Variants in SSR1 observed in about 807,000 individuals in gnomAD.
The protein encoded by SSR1 is signal sequence receptor subunit 1, also known as translocon-associated protein subunit alpha.
SSR1 carries 13 observed loss-of-function variants against 36.1 expected under a neutral mutation model. That is an observed-to-expected ratio of 0.36 (90% CI 0.23 to 0.57). The LOEUF (loss-of-function observed/expected upper bound fraction) is 0.57, where lower values mean the gene tolerates loss of function less well. Ranked by LOEUF, SSR1 falls within the 20% of genes least tolerant of loss-of-function variation. The pLI, the probability that SSR1 is intolerant of heterozygous loss-of-function variation, is 0.81. For synonymous variants in SSR1, 113 were observed against 118.9 expected, an observed-to-expected ratio of 0.95 and a Z score of 0.32; for missense variants, 291 against 338.5, an observed-to-expected ratio of 0.86 and a Z score of 1.10.
rs566224687 is a variant in SSR1 at position 7,300,738 on chromosome 6, G to A, written c.543+572C>T. 1.2e-4 allele frequency among the ~76,000 whole-genome samples: 19 copies of A among 152,218 alleles called. No homozygotes were observed. In the East Asian group the frequency reaches 3.3e-3, roughly 26 times the overall value. ...GCTCACTGCAACCTCCGCCTCCCAG[G>A]TTCAAGTGATTCTCCTGCCTCAGCC... is the stretch of plus-strand genomic sequence containing the variant. On this transcript the variant is annotated intron_variant, in intron 4 of 7. Transcript: ENST00000244763.
intron 1 of SSR1, among the ~76,000 whole-genome samples, chr6:7,310,704 A>T (rs140437483): frequency 0.013 from 1,912 of 152,246 alleles, 17 homozygotes; most frequent in South Asian, 0.021. Context: ...TGAGGCCAGG[A>T]GTTCAAGACC....
intron 2 of SSR1, among the ~76,000 whole-genome samples, chr6:7,304,224 T>G (rs1033398669): frequency 2.6e-5 from 4 of 152,248 alleles, no homozygotes; most frequent in African/African-American, 9.6e-5. Context: ...GACCATATTG[T>G]GAACTCCAAG....
rs1201913504 is a variant in SSR1, at chr6:7,306,241, C to T, written c.193-2604G>A. On this transcript the variant is annotated intron_variant, in intron 2 of 7. Transcript: ENST00000244763. ...CACTGTAAGCTCTGCCTCCCAGGTTCACGCCATTCTCCTGCCTCAGCCTCC... is the reference window on the plus strand; with the variant it reads ...CACTGTAAGCTCTGCCTCCCAGGTTTACGCCATTCTCCTGCCTCAGCCTCC... Among the ~76,000 whole-genome samples the T allele has an allele frequency of 3.3e-5, 5 of 152,268 alleles. No homozygotes were observed. In the South Asian group the frequency reaches 6.2e-4, roughly 19 times the overall value.
At chr6:7,296,723 T>C (rs1479304827) in intron 6 of SSR1, among the ~76,000 whole-genome samples, 1 of 148,234 alleles carries the variant, frequency 6.7e-6, no homozygotes, top group African/African-American at 2.5e-5. Context: ...GGAGGGTGAG[T>C]GAGGGAATGG....
At chr6:7,294,690 CAAATAAAT>C (rs60987991) in intron 7 of SSR1, among the ~76,000 whole-genome samples, 55,491 of 150,328 alleles carry the variant, frequency 0.37, 10,200 homozygotes, top group South Asian at 0.43. Flanking sequence ...GATTCCATCT[CAAATAAAT>C]AAATAAATAA....
intron 2 of SSR1, 50 bp downstream of exon 2, chr6:7,309,867 G>T: frequency 7.3e-7 from 1 of 1,369,744 alleles, no homozygotes; most frequent in South Asian, 1.2e-5. Context: ...GAGAACAGAT[G>T]AATACAATTA....
chr6:7,300,019 TA>T (rs1757898807), intron 4 of SSR1, among the ~76,000 whole-genome samples: 1 of 152,088 alleles, frequency 6.6e-6, no homozygotes, highest in Admixed American at 6.6e-5. Flanking sequence ...AAGAAGGAAC[TA>T]AAACTTCATA....
At chr6:7,306,544 A>C (rs1758058080) in intron 2 of SSR1, among the ~76,000 whole-genome samples, 1 of 152,190 alleles carries the variant, frequency 6.6e-6, no homozygotes, top group Non-Finnish European at 1.5e-5. Context: ...GAGGACAAAA[A>C]AACCTTTCAG....
chr6:7,297,142 C>A, intron 6 of SSR1: 1 of 341,518 alleles, frequency 2.9e-6, no homozygotes, highest in Non-Finnish European at 5.9e-6. Context: ...ATGACTTGAG[C>A]CCCGAAGGCG....
intron 7 of SSR1, among the ~76,000 whole-genome samples, chr6:7,291,906 T>C (rs1353054495): frequency 6.6e-6 from 1 of 151,810 alleles, no homozygotes; most frequent in Non-Finnish European, 1.5e-5. Flanking sequence ...ACCCCCTCCC[T>C]ACAACAAATA....
At chr6:7,303,519 A>G (rs1757984099) in intron 3 of SSR1, 31 bp downstream of exon 3, 2 of 1,500,752 alleles carry the variant, frequency 1.3e-6, no homozygotes, top group Non-Finnish European at 1.8e-6. Flanking sequence ...AAATGCCTAC[A>G]TCTGAATTAA....
Position 7,289,612 on chromosome 6 carries a change from C to T in SSR1, c.*252G>A, listed in dbSNP as rs1001710767. The T allele has an allele frequency of 8.5e-6, 4 of 469,700 alleles. No individual in the cohort carries two copies. Among genetic ancestry groups the T allele is most frequent in the East Asian group, 7.7e-5 (2 of 26,022 alleles). 29.1% of individuals were successfully genotyped at this position (469,700 alleles called of 1,614,324 possible). ...TAGTTCAACAATGATTCTGGTAAGA[C>T]CAACTGCTCACATACATACACACGC... On this transcript the variant is annotated 3_prime_UTR_variant, in exon 8 of 8. Coordinates refer to ENST00000244763, the MANE Select transcript of SSR1 (RefSeq NM_003144.5).
chr6:7,296,592 T>C (rs1245032043), intron 6 of SSR1, among the ~76,000 whole-genome samples: 14 of 152,154 alleles, frequency 9.2e-5, no homozygotes, highest in Admixed American at 9.2e-4. Context: ...TTTGATAAAA[T>C]TGTTTATATT....
chr6:7,299,173 G>A (rs963693759), intron 4 of SSR1, among the ~76,000 whole-genome samples: 5 of 152,114 alleles, frequency 3.3e-5, no homozygotes, highest in South Asian at 2.1e-4. Flanking sequence ...TGCCAAAGTT[G>A]TCCCCTGAAT....
At chr6:7,301,840 TAA>T (rs778797559) in intron 3 of SSR1, among the ~76,000 whole-genome samples, 1 of 152,038 alleles carries the variant, frequency 6.6e-6, no homozygotes, top group African/African-American at 2.4e-5. Context: ...AATCATGTGG[TAA>T]AAAAGAGTTG....
In SSR1 at chr6:7,295,405, T is replaced by C. The variant is rs776483784; in HGVS notation, c.780A>G (p.Thr260=). 5 of 1,610,940 alleles carry C rather than the reference T, an allele frequency of 3.1e-6. No homozygotes were observed. The highest frequency in any genetic ancestry group is 1.7e-5 in the Admixed American group (1 of 59,482). The change falls in exon 7 of 8, where the codon ACA becomes ACG. Residue 260 remains threonine (T), a synonymous_variant. Coordinates refer to ENST00000244763, the MANE Select transcript of SSR1 (RefSeq NM_003144.5). Reference sequence around the variant, plus strand: ...AAGACTACTTACTGATTTGATTCAATGTTTCCTGAGGAATCCAACTCATGT... The same window carrying C: ...AAGACTACTTACTGATTTGATTCAACGTTTCCTGAGGAATCCAACTCATGT... The part of the protein sequence containing the change: ...DVDMSWIPQE[T]LNQINKASPR...
At chr6:7,305,907 A>T (rs544310256) in intron 2 of SSR1, among the ~76,000 whole-genome samples, 2 of 152,328 alleles carry the variant, frequency 1.3e-5, no homozygotes, top group South Asian at 4.1e-4. Flanking sequence ...TCTTACAGCT[A>T]TTCAGCATGT....
intron 2 of SSR1, among the ~76,000 whole-genome samples, chr6:7,306,073 T>C (rs528321910): frequency 6.6e-5 from 10 of 152,376 alleles, no homozygotes; most frequent in South Asian, 4.1e-4. Context: ...AAACTTTTCA[T>C]CATATATTCT....
At chr6:7,311,346 T>C (rs577781828) in intron 1 of SSR1, among the ~76,000 whole-genome samples, 1 of 152,216 alleles carries the variant, frequency 6.6e-6, no homozygotes, top group Non-Finnish European at 1.5e-5. Flanking sequence ...GAAAAAATGA[T>C]GATGTGGCAA....
Sources: gnomAD v4.1 joint callset for allele counts (sites outside exome capture counted in the v4.1 genomes callset) on GRCh38, gnomAD v4.1.1 for gene constraint, MANE v1.5 for transcripts, NCBI Gene and HGNC (gene_info 2026-07-23, HGNC 2026-07-21) for gene names.